The following SLC27A1 variants were observed in gnomAD, a reference collection of about 807,000 sequenced individuals.
SLC27A1 encodes long-chain fatty acid transport protein 1.
In SLC27A1, 61 loss-of-function variants were observed where a neutral mutation model predicts 62.2. That is an observed-to-expected ratio of 0.98 (90% CI 0.80 to 1.21). The LOEUF is 1.21. Among genes scored for constraint, SLC27A1 ranks in the 50% most tolerant of loss-of-function variants. SLC27A1 has a pLI of 0.00. For missense variants in SLC27A1, 903 were observed against 932.1 expected (o/e 0.97, Z 0.41); for synonymous variants, 435 against 408.6 (o/e 1.06, Z -0.78).
chr19:17,475,524 G>A (rs1436469616), intron 1 of SLC27A1, among the ~76,000 whole-genome samples: 1 of 152,142 alleles, frequency 6.6e-6, no homozygotes, highest in East Asian at 1.9e-4. Flanking sequence ...GAGGGAGCAA[G>A]ACTCTGTCTT....
At chr19:17,476,088 C>G (rs1448157476) in intron 1 of SLC27A1, among the ~76,000 whole-genome samples, 1 of 152,140 alleles carries the variant, frequency 6.6e-6, no homozygotes, top group Non-Finnish European at 1.5e-5. Context: ...TGCCTCTGGA[C>G]GGGCACCCTA....
rs1357921802 is a variant in SLC27A1, at chr19:17,504,335, G to T, written c.1784-120G>T. 3.1e-6 allele frequency: 4 copies of T among 1,285,136 alleles called. No homozygotes were observed. The East Asian group carries it at 9.3e-5, about 30-fold the overall frequency. The allele number at this position is 1,285,136 out of a possible 1,614,324, so 79.6% of individuals were successfully genotyped here. The stretch of plus-strand genomic sequence containing the variant: ...GGAATCAGGCAGGCAAAATGGGGAA[G>T]AACATTCCTGCCCAGGGGACAGCCT... On this transcript the variant is annotated intron_variant, in intron 11 of 11. Coordinates refer to ENST00000252595, the MANE Select transcript of SLC27A1 (RefSeq NM_198580.3).
At chr19:17,470,469 G>A, upstream of SLC27A1, 3 of 1,419,614 alleles carry the variant, frequency 2.1e-6, no homozygotes, top group South Asian at 3.0e-5. Context: ...GGCGGGGGCG[G>A]TCGTGGGGCG....
Position 17,488,766 on chromosome 19 carries a change from C to G in SLC27A1, c.795-82C>G, listed in dbSNP as rs571670131. On this transcript the variant is annotated intron_variant, in intron 4 of 11. Transcript: ENST00000252595. ...ACTGGGCTGGCTTTGCCTGGGTCCACATGCAGCATGCTTCCCCATGCCTGT... is the reference window on the plus strand; with the variant it reads ...ACTGGGCTGGCTTTGCCTGGGTCCAGATGCAGCATGCTTCCCCATGCCTGT... 62 of 1,295,054 alleles carry G rather than the reference C, an allele frequency of 4.8e-5. No individual in the cohort carries two copies. The African/African-American group carries it at 8.7e-4, about 18-fold the overall frequency. The allele number at this position is 1,295,054 out of a possible 1,614,324, so 80.2% of individuals were successfully genotyped here. A position where few individuals can be genotyped will look rare whatever the true frequency, so the allele number is the denominator to read the frequency against.
chr19:17,475,450 G>C (rs2075113535), intron 1 of SLC27A1, among the ~76,000 whole-genome samples: 1 of 152,150 alleles, frequency 6.6e-6, no homozygotes, highest in Non-Finnish European at 1.5e-5. Context: ...TGGGAGGATT[G>C]CTTGAGTCCA....
chr19:17,497,538 T>C (rs1375555580), intron 7 of SLC27A1, 74 bp downstream of exon 7: 6 of 1,351,200 alleles, frequency 4.4e-6, no homozygotes, highest in Non-Finnish European at 6.2e-6. Flanking sequence ...CTGGGGCCCC[T>C]GGGATACATA....
chr19:17,499,665 ATTG>A (rs2075388031), intron 7 of SLC27A1, among the ~76,000 whole-genome samples: 1 of 150,726 alleles, frequency 6.6e-6, no homozygotes, highest in South Asian at 2.1e-4. Flanking sequence ...AAAAAAAAAA[ATTG>A]TTTGGGCTCA....
At position 17,482,334 on chromosome 19, in the gene SLC27A1, C is replaced by T. The variant is rs566746324; in HGVS notation, c.168-4229C>T. ...AGGAGCTTGAGACCAGCCTGGCCAA[C>T]ATGACGAAACTCCGTCTCTACTAAA... On this transcript the variant is annotated intron_variant, in intron 1 of 11. Transcript: ENST00000252595. Among the ~76,000 whole-genome samples the T allele has an allele frequency of 2.0e-3, 298 of 152,250 alleles. 1 individual carries two copies. Among genetic ancestry groups the T allele is most frequent in the Middle Eastern group, 0.01 (3 of 294 alleles).
rs1175394305 is a variant in SLC27A1, at chr19:17,502,335, G to GTTTTTTT, written c.1783+918_1783+924dup. On this transcript the variant is annotated intron_variant, in intron 11 of 11. Coordinates refer to ENST00000252595, the MANE Select transcript of SLC27A1 (RefSeq NM_198580.3). ...CTGCCACTAAGCATTCTGAAATAGT[G>GTTTTTTT]TTTTTTTTGTTTTTTTTTTTTTTTT... Among the ~76,000 whole-genome samples the GTTTTTTT allele has an allele frequency of 4.0e-3, 307 of 75,890 alleles. 70 individuals carry two copies. The highest frequency in any genetic ancestry group is 5.8e-3 in the Non-Finnish European group (232 of 40,064). 49.8% of individuals were successfully genotyped at this position (75,890 alleles called of 152,430 possible).
chr19:17,482,480 G>A (rs1161258095), intron 1 of SLC27A1, among the ~76,000 whole-genome samples: 2 of 151,864 alleles, frequency 1.3e-5, no homozygotes, highest in East Asian at 1.9e-4. Flanking sequence ...GTGAAACCCC[G>A]TCTCTACTAA....
intron 11 of SLC27A1, 135 bp from the exon 12 acceptor site, chr19:17,504,320 A>T: frequency 8.9e-7 from 1 of 1,122,054 alleles, no homozygotes. Context: ...GGAATCAGGC[A>T]GGCAAAATGG....
At chr19:17,481,749 C>T (rs2075180773) in intron 1 of SLC27A1, among the ~76,000 whole-genome samples, 1 of 152,198 alleles carries the variant, frequency 6.6e-6, no homozygotes, top group Non-Finnish European at 1.5e-5. Context: ...GCAATCCTCC[C>T]ACCTCAGCCT....
chr19:17,500,475 G>A lies in SLC27A1; in HGVS notation c.1334-20G>A, dbSNP rs2075398119. Reference sequence around the variant, plus strand: ...ACGCCCTGCCTGCCTAGCGCAGCCTGAACATGGCCTTCTCCCTAGGGGAGC... The same window carrying A: ...ACGCCCTGCCTGCCTAGCGCAGCCTAAACATGGCCTTCTCCCTAGGGGAGC... On this transcript the variant is annotated intron_variant, in intron 8 of 11. Transcript: ENST00000252595. 5.0e-6 allele frequency: 8 copies of A among 1,613,276 alleles called. No individual in the cohort carries two copies. The South Asian group carries it at 6.6e-5, about 13-fold the overall frequency.
chr19:17,500,595 C>G lies in SLC27A1; in HGVS notation c.1434C>G (p.His478Gln), dbSNP rs769847289. 1.2e-6 allele frequency: 2 copies of G among 1,613,660 alleles called. No individual in the cohort carries two copies. Among genetic ancestry groups the G allele is most frequent in the Middle Eastern group, 1.6e-4 (1 of 6,084 alleles). The change falls in exon 9 of 12, where the codon CAC becomes CAG. Residue 478 changes from histidine to glutamine, a missense_variant. Transcript: ENST00000252595. The part of the protein sequence containing the change: ...SESATSKKIA[H>Q]SVFSKGDSAY... ...GCGCCACCAGCAAGAAGATCGCCCA[C>G]AGCGTCTTCAGCAAGGGCGACAGCG...
chr19:17,492,488 C>T (rs2075302988), intron 6 of SLC27A1: 1 of 151,876 alleles, frequency 6.6e-6, no homozygotes, highest in South Asian at 2.1e-4. Context: ...GCATGGTGGG[C>T]GCCTATAGTC....
At chr19:17,470,521 G>C (rs1323674682), upstream of SLC27A1, 41 of 1,534,752 alleles carry the variant, frequency 2.7e-5, no homozygotes, top group Non-Finnish European at 3.4e-5. Flanking sequence ...CGCGGCCTCA[G>C]CTCTCTCTGC....
chr19:17,469,179 G>A (rs1214779224), upstream of SLC27A1, among the ~76,000 whole-genome samples: 1 of 152,180 alleles, frequency 6.6e-6, no homozygotes, highest in Non-Finnish European at 1.5e-5. Flanking sequence ...GTGACGGTGA[G>A]ACTTAACCGA....
chr19:17,469,105 TAGGTGCTTCTAGGA>T (rs2075049331), upstream of SLC27A1: 1 of 152,006 alleles, frequency 6.6e-6, no homozygotes, highest in Non-Finnish European at 1.5e-5. Context: ...AAAGGGCCTG[TAGGTGCTTCTAGGA>T]AGGATGGGGA....
intron 6 of SLC27A1, among the ~76,000 whole-genome samples, chr19:17,492,889 G>A (rs1398612619): frequency 3.3e-5 from 5 of 151,866 alleles, no homozygotes; most frequent in Admixed American, 2.6e-4. Context: ...AGTGAGAGCC[G>A]AGATTGTGCC....
Sources: gnomAD v4.1 joint callset for allele counts (sites outside exome capture counted in the v4.1 genomes callset) on GRCh38, gnomAD v4.1.1 for gene constraint, MANE v1.5 for transcripts, NCBI Gene and HGNC (gene_info 2026-07-23, HGNC 2026-07-21) for gene names.